Variants in DLC1 observed in about 807,000 individuals in gnomAD.
The protein encoded by DLC1 is DLC1 Rho GTPase activating protein, also known as rho GTPase-activating protein 7.
Under a neutral mutation model 140.3 loss-of-function variants are expected in DLC1, and 54 were observed. The observed-to-expected ratio is 0.38, with a 90% CI of 0.31 to 0.48. The LOEUF is 0.48. DLC1 is among the 20% of genes least tolerant of loss of function. The probability of loss-of-function intolerance (pLI) is 0.96; values close to 1 mark genes in which losing one functional copy is unlikely to be tolerated. For synonymous variants in DLC1, 986 were observed against 728.1 expected (o/e 1.35, Z -5.70); for missense variants, 2,536 against 1,907.0 (o/e 1.33, Z -6.14).
intron 1 of DLC1, among the ~76,000 whole-genome samples, chr8:13,512,592 A>G (rs1248020539): frequency 6.6e-6 from 1 of 152,124 alleles, no homozygotes; most frequent in Non-Finnish European, 1.5e-5. Context: ...TATTTAGTGA[A>G]AAGACCCACA....
chr8:13,448,125 T>C (rs1798869803), intron 2 of DLC1, among the ~76,000 whole-genome samples: 1 of 152,140 alleles, frequency 6.6e-6, no homozygotes. Context: ...TGTAGTCAAG[T>C]TGGGCAACAT....
intron 1 of DLC1, among the ~76,000 whole-genome samples, chr8:13,579,069 G>C (rs752179595): frequency 1.1e-4 from 17 of 150,990 alleles, no homozygotes; most frequent in Non-Finnish European, 4.4e-5. Context: ...TATTGCCTAG[G>C]ACATTTTAAG....
At chr8:13,551,223 G>C (rs1263291269) in intron 1 of DLC1, among the ~76,000 whole-genome samples, 4 of 151,908 alleles carry the variant, frequency 2.6e-5, no homozygotes, top group African/African-American at 9.7e-5. Flanking sequence ...GTCAGTTGTA[G>C]TCGGCCAAAA....
intron 4 of DLC1, among the ~76,000 whole-genome samples, chr8:13,332,308 C>T (rs539304589): frequency 6.6e-6 from 1 of 152,296 alleles, no homozygotes; most frequent in East Asian, 1.9e-4. Context: ...ATTATCTGAG[C>T]TACACTGTTC....
chr8:13,537,146 C>G (rs1803310268), intron 1 of DLC1, among the ~76,000 whole-genome samples: 1 of 151,846 alleles, frequency 6.6e-6, no homozygotes, highest in South Asian at 2.1e-4. Flanking sequence ...CACTAGTCTG[C>G]TATTATATTA....
intron 1 of DLC1, among the ~76,000 whole-genome samples, chr8:13,528,340 T>G (rs1407980449): frequency 8.5e-5 from 13 of 152,194 alleles, no homozygotes; most frequent in Admixed American, 8.5e-4. Context: ...AAATGAAAAT[T>G]TAAAAAACTT....
intron 2 of DLC1, among the ~76,000 whole-genome samples, chr8:13,469,547 C>G (rs1324941921): frequency 6.6e-6 from 1 of 152,116 alleles, no homozygotes; most frequent in Non-Finnish European, 1.5e-5. Flanking sequence ...AGGCTTGGGG[C>G]TGACATATAG....
At chr8:13,304,903 G>A in intron 5 of DLC1, 2 of 994,216 alleles carry the variant, frequency 2.0e-6, no homozygotes, top group Non-Finnish European at 2.4e-6. Flanking sequence ...TTTTTCTGTG[G>A]CTACTAAGTC....
At chr8:13,411,738 G>C (rs1202360286) in intron 2 of DLC1, among the ~76,000 whole-genome samples, 1 of 152,098 alleles carries the variant, frequency 6.6e-6, no homozygotes, top group Non-Finnish European at 1.5e-5. Flanking sequence ...AAAATGGAAA[G>C]AGACTAGAAA....
At chr8:13,294,376 G>A (rs969092223) in intron 5 of DLC1, among the ~76,000 whole-genome samples, 3 of 152,202 alleles carry the variant, frequency 2.0e-5, no homozygotes, top group Non-Finnish European at 4.4e-5. Flanking sequence ...GACAATGACA[G>A]TCCATCAATG....
chr8:13,164,408 C>G (rs991782607), intron 5 of DLC1, among the ~76,000 whole-genome samples: 5 of 152,066 alleles, frequency 3.3e-5, no homozygotes, highest in Admixed American at 1.3e-4. Context: ...CAAAAAAACC[C>G]AAGGTAGTGT....
chr8:13,536,363 C>G lies in DLC1; in HGVS notation c.-125-36167G>C, dbSNP rs368468849. Reference sequence around the variant, plus strand: ...TAATCACAAGGTTATAATCATGGAGCTGAATTACAGAGTTCAAAGCATTGG... The same window carrying G: ...TAATCACAAGGTTATAATCATGGAGGTGAATTACAGAGTTCAAAGCATTGG... On this transcript the variant is annotated intron_variant, in intron 1 of 1. Transcript: ENST00000631382. Among the ~76,000 whole-genome samples the G allele has an allele frequency of 1.2e-4, 18 of 152,230 alleles. No individual in the cohort carries two copies. The East Asian group carries it at 1.9e-3, about 16-fold the overall frequency.
chr8:13,352,224 G>A (rs759171021), intron 4 of DLC1, among the ~76,000 whole-genome samples: 17 of 152,288 alleles, frequency 1.1e-4, no homozygotes, highest in South Asian at 4.1e-4. Flanking sequence ...ACACACGCAC[G>A]GCCCTCTCGG....
At chr8:13,496,836 T>G (rs1298923295) in intron 2 of DLC1, among the ~76,000 whole-genome samples, 1 of 121,890 alleles carries the variant, frequency 8.2e-6, no homozygotes, top group South Asian at 2.8e-4. Context: ...AGTTTCGCTG[T>G]GTCACCCAGG....
At chr8:13,335,929 C>A (rs1201459678) in intron 4 of DLC1, among the ~76,000 whole-genome samples, 6 of 151,838 alleles carry the variant, frequency 4.0e-5, no homozygotes, top group Non-Finnish European at 7.4e-5. Context: ...AATAAGTTTT[C>A]TTTCATAAAA....
At chr8:13,140,915 C>T (rs17126030) in intron 5 of DLC1, among the ~76,000 whole-genome samples, 6,229 of 152,040 alleles carry the variant, frequency 0.041, 448 homozygotes, top group East Asian at 0.25. Context: ...TTTCTCTCTC[C>T]CCTAGTATCA....
chr8:13,353,523 C>A (rs997019113), intron 4 of DLC1: 1 of 152,008 alleles, frequency 6.6e-6, no homozygotes, highest in Non-Finnish European at 1.5e-5. Context: ...AAATTTGTAA[C>A]CTATAATATC....
At chr8:13,539,831 A>G (rs1459661564) in intron 1 of DLC1, among the ~76,000 whole-genome samples, 2 of 152,038 alleles carry the variant, frequency 1.3e-5, no homozygotes, top group Non-Finnish European at 2.9e-5. Context: ...AATTATTTCT[A>G]AATATTGAGA....
chr8:13,291,065 G>A (rs996624505), intron 5 of DLC1, among the ~76,000 whole-genome samples: 2 of 152,120 alleles, frequency 1.3e-5, no homozygotes, highest in East Asian at 1.9e-4. Context: ...GTGCCACCAC[G>A]CCTGGCTAAT....
Sources: allele counts gnomAD v4.1 joint callset (sites outside exome capture counted in the v4.1 genomes callset), GRCh38; gene constraint gnomAD v4.1.1; transcripts MANE v1.5; gene names NCBI Gene and HGNC (gene_info 2026-07-23, HGNC 2026-07-21).